The following NSD1 variants were observed in gnomAD, a reference collection of about 807,000 sequenced individuals.
NSD1 encodes the protein histone-lysine N-methyltransferase, H3 lysine-36 specific.
A neutral mutation model predicts 242.7 loss-of-function variants in NSD1; 26 were observed. The ratio of observed to expected loss-of-function variants is 0.11; its 90% CI spans 0.08 to 0.15. The LOEUF is 0.15. Ranked by LOEUF, NSD1 falls within the 10% of genes least tolerant of loss-of-function variation. NSD1 has a pLI of 1.00. For synonymous variants in NSD1, 1,106 were observed against 1,178.1 expected (o/e 0.94, Z 1.25); for missense variants, 2,495 against 3,272.8 (o/e 0.76, Z 5.80).
intron 2 of NSD1, among the ~76,000 whole-genome samples, chr5:177,158,329 TTTTCTTTCTTTC>T (rs201158112): frequency 3.6e-5 from 5 of 140,620 alleles, no homozygotes; most frequent in African/African-American, 8.0e-5. Flanking sequence ...CTTTTCTTTC[TTTTCTTTCTTTC>T]TTTCTTTCTT....
At chr5:177,225,789 T>G (rs1419221921) in intron 5 of NSD1, among the ~76,000 whole-genome samples, 1 of 152,208 alleles carries the variant, frequency 6.6e-6, no homozygotes, top group African/African-American at 2.4e-5. Context: ...CAGTTTTGAA[T>G]TTTTTGGTTT....
At chr5:177,292,592 G>A (rs1268855961) in intron 22 of NSD1, among the ~76,000 whole-genome samples, 1 of 152,170 alleles carries the variant, frequency 6.6e-6, no homozygotes, top group African/African-American at 2.4e-5. Context: ...AAGCCTTTAG[G>A]TGGTTCTAGT....
chr5:177,133,662 T>G (rs1581083131), upstream of NSD1: 2 of 144,208 alleles, frequency 1.4e-5, no homozygotes, highest in Non-Finnish European at 3.1e-5. This position sits in a 1 kb window ranked among gnomAD's most constrained non-coding sequence, Gnocchi z 6.2. Flanking sequence ...GCGCGCTCGG[T>G]GGGGGAAGGG....
chr5:177,269,855 C>A lies in NSD1; in HGVS notation c.5509+48C>A. 6.7e-7 allele frequency: 1 copy of A among 1,489,948 alleles called. No homozygotes were observed. The highest frequency in any genetic ancestry group is 9.2e-7 in the Non-Finnish European group (1 of 1,082,344). The allele number at this position is 1,489,948 out of a possible 1,614,324, so 92.3% of individuals were successfully genotyped here. On this transcript the variant is annotated intron_variant, in intron 16 of 22. Transcript: ENST00000439151. The surrounding 1 kb of genome is among the most constrained non-coding windows in gnomAD (Gnocchi z 5.1). ...TCAGGCAAACACAGACCTCTGTTACCTGAGTGTCTGATCTGTTTTAGAATT... is the reference window on the plus strand; with the variant it reads ...TCAGGCAAACACAGACCTCTGTTACATGAGTGTCTGATCTGTTTTAGAATT...
At chr5:177,182,664 T>C (rs1760790843) in intron 2 of NSD1, among the ~76,000 whole-genome samples, 1 of 151,990 alleles carries the variant, frequency 6.6e-6, no homozygotes, top group Non-Finnish European at 1.5e-5. Context: ...TCAAATGGGA[T>C]CTCGCTCTGT....
intron 2 of NSD1, among the ~76,000 whole-genome samples, chr5:177,188,495 T>C (rs2149816816): frequency 6.7e-6 from 1 of 149,794 alleles, no homozygotes; most frequent in South Asian, 2.2e-4. Context: ...AAGTCTTTAC[T>C]CATTGTACCA....
At chr5:177,281,262 T>A (rs1020570248) in intron 18 of NSD1, among the ~76,000 whole-genome samples, 5 of 151,842 alleles carry the variant, frequency 3.3e-5, no homozygotes, top group African/African-American at 1.2e-4. Flanking sequence ...TGGATGAAAA[T>A]GCAGTCATGT....
intron 2 of NSD1, among the ~76,000 whole-genome samples, chr5:177,188,374 A>C (rs923796411): frequency 6.6e-6 from 1 of 152,196 alleles, no homozygotes; most frequent in Non-Finnish European, 1.5e-5. Flanking sequence ...CTATGAACGA[A>C]AGTATTAATG....
chr5:177,226,541 A>G (rs1008478570), intron 5 of NSD1, among the ~76,000 whole-genome samples: 13 of 152,078 alleles, frequency 8.5e-5, no homozygotes, highest in Non-Finnish European at 1.3e-4. Flanking sequence ...CCTGGTCTCA[A>G]ACTCTTTCCT....
chr5:177,291,919 C>T, intron 21 of NSD1, 35 bp from the exon 22 acceptor site: 3 of 1,594,500 alleles, frequency 1.9e-6, no homozygotes, highest in Non-Finnish European at 2.6e-6. Flanking sequence ...CTAATGTGTT[C>T]ACAGAATGCT....
At chr5:177,216,559 C>T (rs1185384517) in intron 5 of NSD1, among the ~76,000 whole-genome samples, 1 of 151,972 alleles carries the variant, frequency 6.6e-6, no homozygotes, top group Non-Finnish European at 1.5e-5. Context: ...TGTGCATATC[C>T]AGTTTTCACA....
In NSD1 at chr5:177,211,247, G is replaced by C. The variant is rs1300868098; in HGVS notation, c.2848G>C (p.Val950Leu). Residue 950 changes from valine to leucine, a missense_variant, in exon 5 of 23, where the codon GTA becomes CTA. Physicochemically the swap from Val to Leu is conservative, Grantham distance 32. This residue lies in a region of NSD1 where 121 missense variants were observed against 167.2 expected (regional missense o/e 0.72). Transcript: ENST00000439151. ...GRGDCSTNSP[V>L]GVSKVLVSGG... The stretch of plus-strand genomic sequence containing the variant: ...TGGGGACTGTTCTACTAATAGTCCT[G>C]TAGGAGTCTCTAAGGTTTTGGTTTC... 6.2e-7 allele frequency: 1 copy of C among 1,613,978 alleles called. No individual in the cohort carries two copies.
At position 177,162,153 on chromosome 5, in the gene NSD1, T is replaced by C. The variant is rs561975841; in HGVS notation, c.927+26123T>C. Reference sequence around the variant, plus strand: ...TCTCTACTAAAAACACAAAAATTAGTTGGGCGTGGTGGCTCATGGCTGTAG... The same window carrying C: ...TCTCTACTAAAAACACAAAAATTAGCTGGGCGTGGTGGCTCATGGCTGTAG... On this transcript the variant is annotated intron_variant, in intron 2 of 22. Transcript: ENST00000439151. 3.2e-4 allele frequency among the ~76,000 whole-genome samples: 49 copies of C among 151,800 alleles called. No homozygotes were observed. The South Asian group carries it at 0.01, about 31-fold the overall frequency.
chr5:177,268,593 T>C (rs981852757), intron 15 of NSD1, among the ~76,000 whole-genome samples: 15 of 152,116 alleles, frequency 9.9e-5, no homozygotes, highest in African/African-American at 1.9e-4. Flanking sequence ...CTTAAAGAAA[T>C]AGAACACTGT....
chr5:177,275,422 G>T, intron 17 of NSD1, among the ~76,000 whole-genome samples: 1 of 135,206 alleles, frequency 7.4e-6, no homozygotes, highest in African/African-American at 2.8e-5. Flanking sequence ...TGATTCCATT[G>T]TGCTTCCCTT....
intron 17 of NSD1, among the ~76,000 whole-genome samples, chr5:177,278,149 T>C (rs1011442377): frequency 1.3e-5 from 2 of 152,234 alleles, no homozygotes; most frequent in African/African-American, 4.8e-5. Context: ...GATCTGGCAG[T>C]GAGACCTACA....
At chr5:177,147,240 C>T (rs1022219219) in intron 2 of NSD1, among the ~76,000 whole-genome samples, 2 of 151,814 alleles carry the variant, frequency 1.3e-5, no homozygotes, top group East Asian at 2.0e-4. Context: ...TGATTAGCTG[C>T]GACTACAGGC....
chr5:177,178,031 A>T (rs1435272559), intron 2 of NSD1, among the ~76,000 whole-genome samples: 4 of 152,080 alleles, frequency 2.6e-5, no homozygotes, highest in African/African-American at 9.7e-5. Context: ...AGTAGCTGGA[A>T]CTACAGGCAT....
intron 15 of NSD1, 47 bp downstream of exon 15, chr5:177,267,765 T>C: frequency 6.4e-7 from 1 of 1,567,722 alleles, no homozygotes; most frequent in Non-Finnish European, 8.8e-7. Flanking sequence ...CCTCTGTTTC[T>C]TGAGACCTCT....
Sources: gnomAD v4.1 joint callset for allele counts (sites outside exome capture counted in the v4.1 genomes callset) on GRCh38, gnomAD v4.1.1 for gene constraint, gnomAD v4.1.1 regional missense constraint, Gnocchi (gnomAD v3.1) non-coding constraint, MANE v1.5 for transcripts, NCBI Gene and HGNC (gene_info 2026-07-23, HGNC 2026-07-21) for gene names.